ECHDC3: variants seen among roughly 807,000 people sequenced by gnomAD.
ECHDC3 encodes the protein enoyl-CoA hydratase domain containing 3.
A neutral mutation model predicts 17.9 loss-of-function variants in ECHDC3; 20 were observed. That is an observed-to-expected ratio of 1.12 (90% CI 0.79 to 1.63). The LOEUF (loss-of-function observed/expected upper bound fraction) is 1.63. Ranked by LOEUF, ECHDC3 falls within the 40% of genes most tolerant of loss-of-function variation. ECHDC3 has a pLI of 0.00. For synonymous variants in ECHDC3, 177 were observed against 149.7 expected (o/e 1.18, Z -1.33); for missense variants, 407 against 357.7 (o/e 1.14, Z -1.11).
chr10:11,758,780 C>T (rs1832913214), intron 4 of ECHDC3, among the ~76,000 whole-genome samples: 1 of 152,248 alleles, frequency 6.6e-6, no homozygotes, highest in Non-Finnish European at 1.5e-5. Context: ...CCTGCTGGTG[C>T]CATGGTGCCA....
intron 1 of ECHDC3, among the ~76,000 whole-genome samples, chr10:11,743,549 G>C (rs554850658): frequency 6.6e-6 from 1 of 152,340 alleles, no homozygotes; most frequent in Non-Finnish European, 1.5e-5. Flanking sequence ...TGCTCTGCAA[G>C]GGGCTGGGTG....
intron 1 of ECHDC3, among the ~76,000 whole-genome samples, chr10:11,746,130 C>G (rs1352059885): frequency 2.0e-5 from 3 of 152,130 alleles, no homozygotes; most frequent in Non-Finnish European, 4.4e-5. Flanking sequence ...GAATTTGAGA[C>G]CAGCCTGGCC....
At chr10:11,748,184 C>T in intron 2 of ECHDC3, among the ~76,000 whole-genome samples, 1 of 151,648 alleles carries the variant, frequency 6.6e-6, no homozygotes, top group Non-Finnish European at 1.5e-5. Flanking sequence ...GTCCAGCAGC[C>T]ATGTGGGATG....
At chr10:11,743,836 T>C (rs1291140644) in intron 1 of ECHDC3, among the ~76,000 whole-genome samples, 1 of 152,226 alleles carries the variant, frequency 6.6e-6, no homozygotes, top group Non-Finnish European at 1.5e-5. Context: ...GCCTGACTTC[T>C]GGGCATGGCG....
chr10:11,748,886 AAAC>A (rs1163959742), intron 2 of ECHDC3, among the ~76,000 whole-genome samples: 8 of 152,232 alleles, frequency 5.3e-5, no homozygotes, highest in Non-Finnish European at 7.3e-5. Flanking sequence ...ACTCTGTCTC[AAAC>A]AACAACAACA....
At position 11,755,470 on chromosome 10, in the gene ECHDC3, G is replaced by T. The variant is rs148330396; in HGVS notation, c.453G>T (p.Ala151=). ...TTGCCATGGTCAATGGCCTGGCCGC[G>T]GCTGCCGGCTGTCAACTGGTTGCCA... ...PVIAMVNGLA[A]AAGCQLVASC... Residue 151 remains alanine, a synonymous_variant, in exon 4 of 5, where the codon GCG becomes GCT. Transcript: ENST00000379215. 20 of 1,613,754 alleles carry T rather than the reference G, an allele frequency of 1.2e-5. No individual in the cohort carries two copies. Among genetic ancestry groups the T allele is most frequent in the Non-Finnish European group, 1.6e-5 (19 of 1,179,884 alleles).
chr10:11,755,904 T>C (rs545324138), intron 4 of ECHDC3, among the ~76,000 whole-genome samples: 5 of 152,384 alleles, frequency 3.3e-5, no homozygotes, highest in African/African-American at 4.8e-5. Flanking sequence ...TTAGTTTTGT[T>C]TGTCTTCCTA....
chr10:11,752,942 T>G (rs1832842807), intron 3 of ECHDC3, among the ~76,000 whole-genome samples: 1 of 152,258 alleles, frequency 6.6e-6, no homozygotes, highest in Non-Finnish European at 1.5e-5. Context: ...TAGTTTCCAC[T>G]GCCATTTATT....
intron 4 of ECHDC3, among the ~76,000 whole-genome samples, chr10:11,759,356 TA>T (rs151106517): frequency 1.4e-4 from 18 of 127,378 alleles, no homozygotes; most frequent in South Asian, 4.9e-4. Context: ...CTCCATCTCT[TA>T]AAAAAAAAAA....
Position 11,742,420 on chromosome 10 carries a change from AGCCTGG to A in ECHDC3, c.-151_-146del, listed in dbSNP as rs1383572123. 1 of 610,090 alleles carries A rather than the reference AGCCTGG, an allele frequency of 1.6e-6. No individual in the cohort carries two copies. Among genetic ancestry groups the A allele is most frequent in the South Asian group, 8.9e-5 (1 of 11,250 alleles). 37.8% of individuals were successfully genotyped at this position (610,090 alleles called of 1,614,324 possible). On this transcript the variant is annotated 5_prime_UTR_variant, in exon 1 of 5. Coordinates refer to ENST00000379215, the MANE Select transcript of ECHDC3 (RefSeq NM_024693.5). The stretch of plus-strand genomic sequence containing the variant: ...GGCCTGGCCTGGGGCGTCCCCGCGA[AGCCTGG>A]GCCTGTCAGGCGGTTCCGTCCGGGT...
rs1564280802 is a variant in ECHDC3 at position 11,742,495 on chromosome 10, T to A, written c.-82T>A. 5.7e-6 allele frequency: 7 copies of A among 1,217,896 alleles called. No homozygotes were observed. The highest frequency in any genetic ancestry group is 7.2e-6 in the Non-Finnish European group (7 of 972,246). The allele number at this position is 1,217,896 out of a possible 1,614,324, so 75.4% of individuals were successfully genotyped here. A position where few individuals can be genotyped will look rare whatever the true frequency, so the allele number is the denominator to read the frequency against. ...CCGTCGAGTTCCGTCCCGGCCCTGCTCACAGCAGCGCCCTCGGAGCGCCCA... is the reference window on the plus strand; with the variant it reads ...CCGTCGAGTTCCGTCCCGGCCCTGCACACAGCAGCGCCCTCGGAGCGCCCA... On this transcript the variant is annotated 5_prime_UTR_variant, in exon 1 of 5. Coordinates refer to ENST00000379215, the MANE Select transcript of ECHDC3 (RefSeq NM_024693.5).
intron 3 of ECHDC3, among the ~76,000 whole-genome samples, chr10:11,753,931 A>G (rs911041927): frequency 1.3e-5 from 2 of 151,958 alleles, no homozygotes; most frequent in Non-Finnish European, 2.9e-5. Flanking sequence ...ACGTGCCACC[A>G]CACCCAGCTA....
At chr10:11,742,770 C>G (rs1374474913) in intron 1 of ECHDC3, 24 bp downstream of exon 1, 1 of 1,225,172 alleles carries the variant, frequency 8.2e-7, no homozygotes, top group Admixed American at 4.3e-5. Flanking sequence ...CGCGCGGGCT[C>G]CTCGCGTTGG....
intron 4 of ECHDC3, among the ~76,000 whole-genome samples, chr10:11,761,556 T>G (rs1354750328): frequency 6.6e-6 from 1 of 152,242 alleles, no homozygotes; most frequent in Non-Finnish European, 1.5e-5. Flanking sequence ...AAGGCTTCTC[T>G]CTGCTCCAGA....
intron 4 of ECHDC3, among the ~76,000 whole-genome samples, chr10:11,758,709 T>A (rs1248430231): frequency 6.6e-6 from 1 of 152,212 alleles, no homozygotes; most frequent in Non-Finnish European, 1.5e-5. Flanking sequence ...ATGGGACCCA[T>A]GACCCTCACT....
chr10:11,745,469 G>A (rs912877620), intron 1 of ECHDC3, among the ~76,000 whole-genome samples: 10 of 152,212 alleles, frequency 6.6e-5, no homozygotes. Flanking sequence ...CAGCAAATCA[G>A]TGCAAGTAAT....
chr10:11,747,586 C>T, intron 2 of ECHDC3, 116 bp downstream of exon 2: 1 of 1,286,394 alleles, frequency 7.8e-7, no homozygotes, highest in East Asian at 2.4e-5. Flanking sequence ...AGCTCCTTTA[C>T]AAGAACATTA....
At chr10:11,746,025 T>C (rs1246979592) in intron 1 of ECHDC3, among the ~76,000 whole-genome samples, 1 of 152,138 alleles carries the variant, frequency 6.6e-6, no homozygotes, top group Non-Finnish European at 1.5e-5. Context: ...ACTTACAGGA[T>C]GCCACTGTAA....
chr10:11,758,810 T>C (rs1832913827), intron 4 of ECHDC3, among the ~76,000 whole-genome samples: 1 of 152,214 alleles, frequency 6.6e-6, no homozygotes, highest in African/African-American at 2.4e-5. Flanking sequence ...CATGTGTGTG[T>C]GTGCACAAGT....
Sources: gnomAD v4.1 joint callset for allele counts (sites outside exome capture counted in the v4.1 genomes callset) on GRCh38, gnomAD v4.1.1 for gene constraint, MANE v1.5 for transcripts, NCBI Gene and HGNC (gene_info 2026-07-23, HGNC 2026-07-21) for gene names.